Variants in STAT5A observed in about 807,000 individuals in gnomAD.
STAT5A encodes the protein epididymis secretory sperm binding protein.
In STAT5A, 26 loss-of-function variants were observed where a neutral mutation model predicts 100.2. The ratio of observed to expected loss-of-function variants is 0.26; its 90% CI spans 0.19 to 0.36. The LOEUF is 0.36. Among genes scored for constraint, STAT5A ranks in the 10% least tolerant of loss-of-function variants. The probability of loss-of-function intolerance (pLI) is 1.00; values close to 1 mark genes in which losing one functional copy is unlikely to be tolerated. For missense variants in STAT5A, 634 were observed against 1,027.5 expected (o/e 0.62, Z 5.24); for synonymous variants, 330 against 424.3 (o/e 0.78, Z 2.73).
intron 3 of STAT5A, 164 bp downstream of exon 3, chr17:42,290,186 T>A: frequency 9.3e-7 from 1 of 1,073,550 alleles, no homozygotes; most frequent in Non-Finnish European, 1.3e-6. Flanking sequence ...AAATTCGACC[T>A]GTCGGATTTC....
In STAT5A at chr17:42,307,669, C is replaced by T; in HGVS notation, c.1852C>T (p.Arg618Cys). 2 of 1,614,094 alleles carry T rather than the reference C, an allele frequency of 1.2e-6. No homozygotes were observed. Among genetic ancestry groups the T allele is most frequent in the Non-Finnish European group, 1.7e-6 (2 of 1,180,008 alleles). The change falls in exon 15 of 19, where the codon CGC (arginine) becomes TGC (cysteine). Residue 618 changes from arginine (R) to cysteine (C), a missense_variant. By Grantham distance (180) the Arg-to-Cys change is radical (BLOSUM62 -3). Coordinates refer to ENST00000590949, the MANE Select transcript of STAT5A (RefSeq NM_001288718.2). ...INKPDGTFLLRFSDSEIGGIT... is the reference protein window; with the variant it reads ...INKPDGTFLLCFSDSEIGGIT... ...CAAGCCCGACGGGACCTTCTTGTTG[C>T]GCTTTAGTGACTCAGAAATCGGGGG...
In STAT5A at chr17:42,288,807, C is replaced by T. The variant is rs1367849492; in HGVS notation, c.-11+209C>T. On this transcript the variant is annotated intron_variant, in intron 1 of 18. Transcript: ENST00000590949. The surrounding 1 kb of genome is among the most constrained non-coding windows in gnomAD (Gnocchi z 4.8). ...TGAAAGGCAGAGGCCAGGGAGGGCG[C>T]CGTCCTGGCACGCCTCGGAGAGGGA... is the stretch of plus-strand genomic sequence containing the variant. Among the ~76,000 whole-genome samples the T allele has an allele frequency of 5.3e-5, 8 of 152,158 alleles. No homozygotes were observed. The highest frequency in any genetic ancestry group is 5.2e-4 in the Admixed American group (8 of 15,286).
chr17:42,290,133 C>T (rs2080856660), intron 3 of STAT5A, 111 bp downstream of exon 3: 3 of 1,360,150 alleles, frequency 2.2e-6, no homozygotes, highest in African/African-American at 1.5e-5. Context: ...TGACCACGAA[C>T]TTATTGGGAA....
Position 42,301,409 on chromosome 17 carries a change from G to A in STAT5A, c.1124G>A (p.Ser375Asn), listed in dbSNP as rs1242466165. The A allele has an allele frequency of 1.9e-6, 3 of 1,614,084 alleles. No homozygotes were observed. Among genetic ancestry groups the A allele is most frequent in the Non-Finnish European group, 2.5e-6 (3 of 1,180,042 alleles). ...CCCCAGGTGAAGGCCACCATCATCA[G>A]TGAGCAGCAGGCCAAGTCTCTGCTT... is the stretch of plus-strand genomic sequence containing the variant. Reference protein sequence around the residue: ...NPPQVKATIISEQQAKSLLKN... With the variant: ...NPPQVKATIINEQQAKSLLKN... The change falls in exon 9 of 19, where the codon AGT (serine) becomes AAT (asparagine). Residue 375 changes from serine (S) to asparagine (N), a missense_variant. Physicochemically the swap from Ser to Asn is conservative, Grantham distance 46 (BLOSUM62 1). This residue lies in a region of STAT5A where 98 missense variants were observed against 149.7 expected (regional missense o/e 0.65). Coordinates refer to ENST00000590949, the MANE Select transcript of STAT5A (RefSeq NM_001288718.2).
intron 7 of STAT5A, 146 bp from the exon 8 acceptor site, chr17:42,300,569 G>T (rs1454048213): frequency 1.4e-6 from 1 of 737,370 alleles, no homozygotes; most frequent in Admixed American, 2.8e-5. Context: ...TCTAATTCTG[G>T]GAGGCAGGGA....
chr17:42,297,225 C>T lies in STAT5A; in HGVS notation c.550+1432C>T, dbSNP rs148762403. On this transcript the variant is annotated intron_variant, in intron 5 of 18. Transcript: ENST00000590949. ...GTGCTAGGATTATAGGCGTGAGCCACGGTGCCCAGCCAATACTGACAGGAT... is the reference window on the plus strand; with the variant it reads ...GTGCTAGGATTATAGGCGTGAGCCATGGTGCCCAGCCAATACTGACAGGAT... 9.2e-3 allele frequency among the ~76,000 whole-genome samples: 1,399 copies of T among 152,252 alleles called. 12 individuals carry two copies. Among genetic ancestry groups the T allele is most frequent in the Middle Eastern group, 0.02 (6 of 294 alleles).
chr17:42,308,596 G>T lies in STAT5A; in HGVS notation c.2062+263G>T. 1.8e-6 allele frequency: 1 copy of T among 549,838 alleles called. No individual in the cohort carries two copies. Among genetic ancestry groups the T allele is most frequent in the Non-Finnish European group, 3.2e-6 (1 of 308,772 alleles). 34.1% of individuals were successfully genotyped at this position (549,838 alleles called of 1,614,324 possible). On this transcript the variant is annotated intron_variant, in intron 16 of 18. Coordinates refer to ENST00000590949, the MANE Select transcript of STAT5A (RefSeq NM_001288718.2). This position sits in a 1 kb window ranked among gnomAD's most constrained non-coding sequence, Gnocchi z 4.6. ...TTCTGCACCCTCGGAGGAAGGGGTGGCAGCACTGTAGGGAGTGGCCGGGAT... is the reference window on the plus strand; with the variant it reads ...TTCTGCACCCTCGGAGGAAGGGGTGTCAGCACTGTAGGGAGTGGCCGGGAT...
intron 15 of STAT5A, 36 bp downstream of exon 15, chr17:42,307,759 G>T (rs762548237): frequency 1.2e-6 from 2 of 1,604,468 alleles, no homozygotes; most frequent in Non-Finnish European, 1.7e-6. Flanking sequence ...CAGCCCCAAG[G>T]CCCGGTCTCT....
intron 8 of STAT5A, 27 bp from the exon 9 acceptor site, chr17:42,301,248 G>A (rs370079578): frequency 1.1e-5 from 18 of 1,605,800 alleles, no homozygotes; most frequent in East Asian, 6.7e-5. Context: ...ACCCCTCATC[G>A]TGTGTCTGTC....
chr17:42,304,206 G>A lies in STAT5A; in HGVS notation c.1170-136G>A, dbSNP rs918511776. On this transcript the variant is annotated intron_variant, in intron 9 of 18. Transcript: ENST00000590949. The surrounding 1 kb of genome is among the most constrained non-coding windows in gnomAD (Gnocchi z 4.8). ...AGTCAGTAACCCAGAAAGACGCCAA[G>A]AAACACTCTTAGGGGATACGGGGCA... The A allele has an allele frequency of 3.8e-6, 3 of 781,338 alleles. No individual in the cohort carries two copies. The highest frequency in any genetic ancestry group is 3.5e-5 in the African/African-American group (2 of 57,344). 48.4% of individuals were successfully genotyped at this position (781,338 alleles called of 1,614,324 possible). A position where few individuals can be genotyped will look rare whatever the true frequency, so the allele number is the denominator to read the frequency against.
intron 18 of STAT5A, 111 bp downstream of exon 18, chr17:42,309,595 T>C: frequency 8.9e-7 from 1 of 1,118,606 alleles, no homozygotes; most frequent in Non-Finnish European, 1.3e-6. Flanking sequence ...TAGGCCCAAG[T>C]CCAGGAGGAG....
chr17:42,289,629 C>T, intron 2 of STAT5A, 90 bp downstream of exon 2: 1 of 1,530,040 alleles, frequency 6.5e-7, no homozygotes, highest in Non-Finnish European at 8.8e-7. Flanking sequence ...TTTGGTGTGA[C>T]TCTGGTCCTG....
Position 42,304,771 on chromosome 17 carries a change from T to C in STAT5A, c.1380+119T>C. The stretch of plus-strand genomic sequence containing the variant: ...AGCCTGCTTTGACTCTGTGGGTCCC[T>C]GTTTGATAGGTTATAATCTGGGACT... On this transcript the variant is annotated intron_variant, in intron 11 of 18. Coordinates refer to ENST00000590949, the MANE Select transcript of STAT5A (RefSeq NM_001288718.2). This position sits in a 1 kb window ranked among gnomAD's most constrained non-coding sequence, Gnocchi z 4.8. 2 of 1,481,208 alleles carry C rather than the reference T, an allele frequency of 1.4e-6. No individual in the cohort carries two copies. Among genetic ancestry groups the C allele is most frequent in the Non-Finnish European group, 9.2e-7 (1 of 1,090,108 alleles). 91.8% of individuals were successfully genotyped at this position (1,481,208 alleles called of 1,614,324 possible). A position where few individuals can be genotyped will look rare whatever the true frequency, so the allele number is the denominator to read the frequency against.
At chr17:42,301,234 G>A (rs376635501) in intron 8 of STAT5A, 41 bp from the exon 9 acceptor site, 35 of 1,597,832 alleles carry the variant, frequency 2.2e-5, no homozygotes, top group South Asian at 1.0e-4. Context: ...TTTCCCCTGC[G>A]CCAACCCCTC....
chr17:42,287,703 C>A (rs1268570592), upstream of STAT5A: 1 of 152,278 alleles, frequency 6.6e-6, no homozygotes, highest in African/African-American at 2.4e-5. Context: ...GGATCACAGT[C>A]GGCTGGTGAG....
chr17:42,291,391 T>A (rs1400229094), intron 3 of STAT5A, among the ~76,000 whole-genome samples: 1 of 152,180 alleles, frequency 6.6e-6, no homozygotes, highest in Non-Finnish European at 1.5e-5. Context: ...TTGGGACCCC[T>A]GTGTTACAGT....
At chr17:42,295,040 G>A (rs766274870) in intron 4 of STAT5A, among the ~76,000 whole-genome samples, 21 of 152,154 alleles carry the variant, frequency 1.4e-4, no homozygotes, top group Non-Finnish European at 2.5e-4. Flanking sequence ...TGGATCCAAG[G>A]GGAGCTTGTT....
In STAT5A at chr17:42,292,039, G is replaced by T. The variant is rs2080873866; in HGVS notation, c.353G>T (p.Arg118Met). ...CIRHILYNEQRLVREANNCSS... is the reference protein window; with the variant it reads ...CIRHILYNEQMLVREANNCSS... ...CGGCACATTCTGTACAATGAACAGA[G>T]GCTGGTCCGAGAAGCCAACAATGTG... Residue 118 changes from arginine to methionine, a missense_variant, in exon 4 of 19, where the codon AGG becomes ATG. This residue lies in a region of STAT5A where 207 missense variants were observed against 256.6 expected (regional missense o/e 0.81). Transcript: ENST00000590949. 1 of 1,613,932 alleles carries T rather than the reference G, an allele frequency of 6.2e-7. No individual in the cohort carries two copies. Among genetic ancestry groups the T allele is most frequent in the African/African-American group, 1.3e-5 (1 of 74,930 alleles).
chr17:42,299,545 A>C (rs1393310375), intron 5 of STAT5A, among the ~76,000 whole-genome samples: 1 of 152,134 alleles, frequency 6.6e-6, no homozygotes, highest in Non-Finnish European at 1.5e-5. Context: ...GACGGCTCAG[A>C]GTCAGGAGGC....
Sources: allele counts gnomAD v4.1 joint callset (sites outside exome capture counted in the v4.1 genomes callset), GRCh38; gene constraint gnomAD v4.1.1; regional missense constraint gnomAD v4.1.1; non-coding constraint Gnocchi (gnomAD v3.1); transcripts MANE v1.5; gene names NCBI Gene and HGNC (gene_info 2026-07-23, HGNC 2026-07-21).